STX19: variants seen among roughly 807,000 people sequenced by gnomAD.
STX19 encodes the protein syntaxin 19, also known as syntaxin-19.
Under a neutral mutation model 24.3 loss-of-function variants are expected in STX19, and 26 were observed. The ratio of observed to expected loss-of-function variants is 1.07; its 90% CI spans 0.78 to 1.48. The LOEUF (loss-of-function observed/expected upper bound fraction) is 1.48. STX19 is among the 40% of genes most tolerant of loss of function. STX19 has a pLI of 0.00. For missense variants in STX19, 367 were observed against 331.9 expected, an observed-to-expected ratio of 1.11 and a Z score of -0.82; for synonymous variants, 116 against 106.9, an observed-to-expected ratio of 1.09 and a Z score of -0.52.
intron 1 of STX19, among the ~76,000 whole-genome samples, chr3:94,026,900 A>G (rs760801695): frequency 6.6e-6 from 1 of 152,150 alleles, no homozygotes; most frequent in South Asian, 2.1e-4. Context: ...ATGATAATCA[A>G]CTTGGACAAC....
intron 1 of STX19, among the ~76,000 whole-genome samples, chr3:94,019,533 TCTC>T (rs1448678536): frequency 6.6e-6 from 1 of 152,078 alleles, no homozygotes; most frequent in Non-Finnish European, 1.5e-5. Context: ...TTAACGATAG[TCTC>T]CTAAGTGTTC....
At chr3:94,020,945 T>A (rs969628941) in intron 1 of STX19, among the ~76,000 whole-genome samples, 1 of 152,076 alleles carries the variant, frequency 6.6e-6, no homozygotes, top group Non-Finnish European at 1.5e-5. Context: ...CCTCTGCATA[T>A]TTTTATTGTC....
chr3:94,016,921 AG>A (rs1174095801), intron 1 of STX19, among the ~76,000 whole-genome samples: 2 of 152,220 alleles, frequency 1.3e-5, no homozygotes, highest in African/African-American at 2.4e-5. Flanking sequence ...CTGGGATTAC[AG>A]GTGTGAGCCA....
chr3:94,028,445 C>G lies in STX19; in HGVS notation c.-92G>C, dbSNP rs566287861. ...CTTTGAGAGAATATCTGAATATCAT[C>G]TCATGTTTTGAACAAATTATCTAAA... On this transcript the variant is annotated 5_prime_UTR_variant, in exon 1 of 2. Coordinates refer to ENST00000315099, the MANE Select transcript of STX19 (RefSeq NM_001001850.3). 1 of 152,240 alleles carries G rather than the reference C, an allele frequency of 6.6e-6. No homozygotes were observed. Among genetic ancestry groups the G allele is most frequent in the Non-Finnish European group, 1.5e-5 (1 of 68,042 alleles). The allele number at this position is 152,240 out of a possible 1,614,324, so 9.4% of individuals were successfully genotyped here.
At position 94,014,910 on chromosome 3, in the gene STX19, C is replaced by T. The variant is rs2076297449; in HGVS notation, c.360G>A (p.Glu120=). 2.5e-6 allele frequency: 4 copies of T among 1,613,390 alleles called. No homozygotes were observed. Among genetic ancestry groups the T allele is most frequent in the Non-Finnish European group, 3.4e-6 (4 of 1,179,826 alleles). Reference sequence around the variant, plus strand: ...CCACTGAAGATGGACCATTTTCAACCTCTGACTTTTTAACTTCTTTAACTA... The same window carrying T: ...CCACTGAAGATGGACCATTTTCAACTTCTGACTTTTTAACTTCTTTAACTA... ...NDLVKEVKKS[E]VENGPSSVVT... Residue 120 remains glutamate (E), a synonymous_variant, in exon 2 of 2, where the codon GAG becomes GAA. Transcript: ENST00000315099.
rs969392347 is a variant in STX19, at chr3:94,014,984, T to G, written c.286A>C (p.Lys96Gln). ...SLLKRESTIT[K>Q]EIKIQAEYIN... The stretch of plus-strand genomic sequence containing the variant: ...TATTCTGCCTGAATTTTTATCTCCT[T>G]TGTAATGGTAGACTCTCTCTTAAGT... The change falls in exon 2 of 2, where the codon AAG becomes CAG. Residue 96 changes from lysine (K) to glutamine (Q), a missense_variant. By Grantham distance (53) the Lys-to-Gln change is moderately conservative. Coordinates refer to ENST00000315099, the MANE Select transcript of STX19 (RefSeq NM_001001850.3). The G allele has an allele frequency of 1.9e-6, 3 of 1,613,928 alleles. No homozygotes were observed. Among genetic ancestry groups the G allele is most frequent in the Admixed American group, 1.7e-5 (1 of 60,000 alleles).
chr3:94,022,473 T>G (rs1203860343), intron 1 of STX19, among the ~76,000 whole-genome samples: 5 of 152,120 alleles, frequency 3.3e-5, no homozygotes, highest in African/African-American at 9.7e-5. Flanking sequence ...ATGGAAGATG[T>G]GGATTTAATC....
Position 94,014,658 on chromosome 3 carries a change from G to C in STX19, c.612C>G (p.Ile204Met). The change falls in exon 2 of 2, where the codon ATC becomes ATG. Residue 204 changes from isoleucine to methionine, a missense_variant. Ile to Met is a conservative substitution (Grantham distance 10, BLOSUM62 1). Transcript: ENST00000315099. Reference sequence around the variant, plus strand: ...CAATCTCTGAAAGTTGTGCTTTAGTGATATTGATTTCTGTAAGTAAGCTTT... The same window carrying C: ...CAATCTCTGAAAGTTGTGCTTTAGTCATATTGATTTCTGTAAGTAAGCTTT... ...FNESLLTEIN[I>M]TKAQLSEIEQ... 6.2e-7 allele frequency: 1 copy of C among 1,613,530 alleles called. No individual in the cohort carries two copies. Among genetic ancestry groups the C allele is most frequent in the Middle Eastern group, 1.7e-4 (1 of 6,056 alleles).
intron 1 of STX19, among the ~76,000 whole-genome samples, chr3:94,026,223 G>A (rs889103280): frequency 2.2e-4 from 33 of 152,072 alleles, no homozygotes; most frequent in African/African-American, 7.7e-4. Context: ...GTTTCACCGT[G>A]TGAGCCAGGA....
intron 1 of STX19, among the ~76,000 whole-genome samples, chr3:94,016,054 A>G (rs950436667): frequency 1.2e-4 from 19 of 152,150 alleles, no homozygotes; most frequent in African/African-American, 3.6e-4. Context: ...CACTTATCAC[A>G]TGCTGTGTTG....
intron 1 of STX19, among the ~76,000 whole-genome samples, chr3:94,021,292 C>T (rs913552552): frequency 7.3e-5 from 11 of 151,286 alleles, no homozygotes; most frequent in African/African-American, 1.2e-4. Context: ...CTCCTGGGTT[C>T]GAAGCGATTC....
chr3:94,027,099 GT>G (rs1382439409), intron 1 of STX19, among the ~76,000 whole-genome samples: 1 of 151,884 alleles, frequency 6.6e-6, no homozygotes, highest in East Asian at 1.9e-4. Context: ...TCTTTTCATA[GT>G]TACTGTAATG....
chr3:94,019,470 C>T (rs567578976), intron 1 of STX19, among the ~76,000 whole-genome samples: 2 of 152,166 alleles, frequency 1.3e-5, no homozygotes, highest in African/African-American at 4.8e-5. Context: ...GCTGGGATTA[C>T]AGGCATGAGC....
At position 94,015,289 on chromosome 3, in the gene STX19, A is replaced by G. The variant is rs1441942606; in HGVS notation, c.-13-7T>C. 4.7e-6 allele frequency: 7 copies of G among 1,505,124 alleles called. No individual in the cohort carries two copies. The highest frequency in any genetic ancestry group is 5.3e-6 in the Non-Finnish European group (6 of 1,134,268). 93.2% of individuals were successfully genotyped at this position (1,505,124 alleles called of 1,614,324 possible). On this transcript the variant is annotated splice_region_variant and splice_polypyrimidine_tract_variant and intron_variant, in intron 1 of 1. Coordinates refer to ENST00000315099, the MANE Select transcript of STX19 (RefSeq NM_001001850.3). ...TTTCATCTTCCCTTTCCTCCTAAGAAGCAAAAATTTTTGTGTTGAACAAGT... is the reference window on the plus strand; with the variant it reads ...TTTCATCTTCCCTTTCCTCCTAAGAGGCAAAAATTTTTGTGTTGAACAAGT...
chr3:94,019,028 A>T (rs187508306), intron 1 of STX19, among the ~76,000 whole-genome samples: 77 of 152,232 alleles, frequency 5.1e-4, no homozygotes, highest in African/African-American at 1.8e-3. Flanking sequence ...GGCCTCCCAA[A>T]GTGCTGGGAT....
rs747080517 is a variant in STX19 at position 94,015,248 on chromosome 3, G to A, written c.22C>T (p.Leu8=). The A allele has an allele frequency of 6.5e-7, 1 of 1,549,766 alleles. No homozygotes were observed. Among genetic ancestry groups the A allele is most frequent in the South Asian group, 1.2e-5 (1 of 81,018 alleles). The part of the protein sequence containing the change: MKDRLQE[L]KQRTKEIELS... ...TCAATTTCCTTTGTTCTCTGCTTTA[G>A]TTCTTGAAGTCGGTCTTTCATCTTC... is the stretch of plus-strand genomic sequence containing the variant. Residue 8 remains leucine, a synonymous_variant, in exon 2 of 2, where the codon CTA becomes TTA. Coordinates refer to ENST00000315099, the MANE Select transcript of STX19 (RefSeq NM_001001850.3).
chr3:94,022,157 GT>G (rs1276159279), intron 1 of STX19, among the ~76,000 whole-genome samples: 1 of 151,850 alleles, frequency 6.6e-6, no homozygotes, highest in African/African-American at 2.4e-5. Context: ...GAGTTTCGCT[GT>G]TGTCACCCAG....
chr3:94,019,324 G>A (rs547971338), intron 1 of STX19, among the ~76,000 whole-genome samples: 2 of 152,196 alleles, frequency 1.3e-5, no homozygotes, highest in East Asian at 3.9e-4. Flanking sequence ...AGCCTCCCGA[G>A]TAGCTGGGAC....
intron 1 of STX19, among the ~76,000 whole-genome samples, chr3:94,017,736 G>A: frequency 6.6e-6 from 1 of 152,296 alleles, no homozygotes; most frequent in East Asian, 1.9e-4. Context: ...TATTTGAGAT[G>A]TGAGACTGAA....
Sources: allele counts gnomAD v4.1 joint callset (sites outside exome capture counted in the v4.1 genomes callset), GRCh38; gene constraint gnomAD v4.1.1; transcripts MANE v1.5; gene names NCBI Gene and HGNC (gene_info 2026-07-23, HGNC 2026-07-21).